NIM1K: variants seen among roughly 807,000 people sequenced by gnomAD.
NIM1K encodes the protein serine/threonine-protein kinase NIM1.
A neutral mutation model predicts 37.1 loss-of-function variants in NIM1K; 35 were observed. The ratio of observed to expected loss-of-function variants is 0.94; its 90% confidence interval spans 0.72 to 1.25. NIM1K has a LOEUF of 1.25. Ranked by LOEUF, NIM1K falls within the 50% of genes most tolerant of loss-of-function variation. The pLI is 0.00. For missense variants in NIM1K, 564 were observed against 548.0 expected (o/e 1.03, Z -0.29); for synonymous variants, 234 against 206.6 (o/e 1.13, Z -1.14).
At chr5:43,233,244 C>G in intron 1 of NIM1K, 1 of 687,620 alleles carries the variant, frequency 1.5e-6, no homozygotes, top group South Asian at 2.0e-5. Context: ...CAGTGCGACT[C>G]TTAGGTGATT....
intron 1 of NIM1K, among the ~76,000 whole-genome samples, chr5:43,223,800 T>C (rs62368884): frequency 0.13 from 20,065 of 152,128 alleles, 1,787 homozygotes; most frequent in South Asian, 0.28. Context: ...TCAAATTAGG[T>C]TGATATAAAT....
Position 43,280,382 on chromosome 5 carries a change from G to C in NIM1K, c.964G>C (p.Asp322His). Residue 322 changes from aspartate (D) to histidine (H), a missense_variant, in exon 4 of 4, where the codon GAT (aspartate) becomes CAT (histidine). Asp to His is a moderately conservative substitution (Grantham distance 81, BLOSUM62 -1). Coordinates refer to ENST00000326035, the MANE Select transcript of NIM1K (RefSeq NM_153361.4). ...GTACGGAATCGACTGCATCATGAAT[G>C]ATGAATGGATGCAAGGGGTGCCATA... is the stretch of plus-strand genomic sequence containing the variant. Reference protein sequence around the residue: ...ERYGIDCIMNDEWMQGVPYPT... With the variant: ...ERYGIDCIMNHEWMQGVPYPT... 1 of 1,614,154 alleles carries C rather than the reference G, an allele frequency of 6.2e-7. No individual in the cohort carries two copies. Among genetic ancestry groups the C allele is most frequent in the Non-Finnish European group, 8.5e-7 (1 of 1,180,018 alleles).
intron 1 of NIM1K, chr5:43,207,768 A>G (rs79477621): frequency 0.025 from 11,311 of 456,828 alleles, 327 homozygotes; most frequent in South Asian, 0.084. Context: ...TCATACTTGG[A>G]ATTGTGGGTA....
chr5:43,256,186 T>C (rs535576284), intron 2 of NIM1K, among the ~76,000 whole-genome samples: 5 of 152,088 alleles, frequency 3.3e-5, no homozygotes, highest in Non-Finnish European at 7.4e-5. Flanking sequence ...ACAGTATCAC[T>C]CTGGCAGCTT....
chr5:43,234,259 TTC>T, intron 1 of NIM1K, among the ~76,000 whole-genome samples: 2 of 152,162 alleles, frequency 1.3e-5, no homozygotes, highest in Non-Finnish European at 2.9e-5. Context: ...CATTCATTCA[TTC>T]ATTCATTCAT....
At chr5:43,231,224 G>A (rs1284957820) in intron 1 of NIM1K, among the ~76,000 whole-genome samples, 1 of 152,192 alleles carries the variant, frequency 6.6e-6, no homozygotes, top group African/African-American at 2.4e-5. Flanking sequence ...GACTGAGTTG[G>A]GTGGATTGCT....
At chr5:43,241,531 A>C (rs1752703212) in intron 1 of NIM1K, among the ~76,000 whole-genome samples, 2 of 151,546 alleles carry the variant, frequency 1.3e-5, no homozygotes, top group Admixed American at 1.3e-4. Context: ...AGTAGAGACG[A>C]GGTTTCACCA....
At position 43,264,141 on chromosome 5, in the gene NIM1K, G is replaced by C. The variant is rs149159813; in HGVS notation, c.293-12916G>C. ...TTCTGTAGACGTCTGTTAGGTCTGC[G>C]TGGTGCAGAGCTGAGTTCAAGTCCT... On this transcript the variant is annotated intron_variant, in intron 2 of 3. Transcript: ENST00000326035. Among the ~76,000 whole-genome samples the C allele has an allele frequency of 7.1e-3, 1,077 of 152,246 alleles. 17 individuals carry two copies. The highest frequency in any genetic ancestry group is 0.025 in the African/African-American group (1,028 of 41,548).
intron 1 of NIM1K, among the ~76,000 whole-genome samples, chr5:43,194,377 T>A (rs1207448095): frequency 6.6e-6 from 1 of 152,222 alleles, no homozygotes; most frequent in East Asian, 1.9e-4. Context: ...GCTGGACCAC[T>A]GTTAAATGGT....
chr5:43,194,301 T>A (rs1356890301), intron 1 of NIM1K, among the ~76,000 whole-genome samples: 1 of 152,152 alleles, frequency 6.6e-6, no homozygotes, highest in Non-Finnish European at 1.5e-5. Flanking sequence ...TGAATCCAAC[T>A]CCCCATGGAC....
intron 2 of NIM1K, among the ~76,000 whole-genome samples, chr5:43,247,297 C>G (rs1752790841): frequency 6.6e-6 from 1 of 152,158 alleles, no homozygotes; most frequent in Non-Finnish European, 1.5e-5. Flanking sequence ...CTTGTCTGAG[C>G]CTTAGATACT....
chr5:43,280,228 A>C lies in NIM1K; in HGVS notation c.810A>C (p.Pro270=). ...ACTTCATGGTGACTGGCACCATGCC[A>C]TTTCGGGCAGAAACCGTGGCCAAAC... ...LLYFMVTGTM[P]FRAETVAKLK... The change falls in exon 4 of 4, where the codon CCA becomes CCC. Residue 270 remains proline, a synonymous_variant. Transcript: ENST00000326035. The C allele has an allele frequency of 6.2e-7, 1 of 1,614,096 alleles. No individual in the cohort carries two copies. The highest frequency in any genetic ancestry group is 8.5e-7 in the Non-Finnish European group (1 of 1,180,016).
chr5:43,248,636 C>T (rs1175118480), intron 2 of NIM1K, among the ~76,000 whole-genome samples: 1 of 152,010 alleles, frequency 6.6e-6, no homozygotes. Flanking sequence ...GAGAGAGACA[C>T]TTACAAGGAA....
chr5:43,229,944 CTT>C (rs771892372), intron 1 of NIM1K, among the ~76,000 whole-genome samples: 1 of 147,242 alleles, frequency 6.8e-6, no homozygotes, highest in African/African-American at 2.5e-5. Context: ...ATTTTAGCCT[CTT>C]TTTTTTTTTC....
At chr5:43,260,165 T>C (rs1753006224) in intron 2 of NIM1K, among the ~76,000 whole-genome samples, 1 of 152,350 alleles carries the variant, frequency 6.6e-6, no homozygotes, top group African/African-American at 2.4e-5. Flanking sequence ...GATCATATCA[T>C]CAGCAAACAG....
chr5:43,218,276 GC>G (rs1161987866), intron 1 of NIM1K, among the ~76,000 whole-genome samples: 1 of 152,048 alleles, frequency 6.6e-6, no homozygotes, highest in East Asian at 1.9e-4. Context: ...CTCCCAAAGT[GC>G]TGGGATTACA....
intron 1 of NIM1K, among the ~76,000 whole-genome samples, chr5:43,240,950 A>T (rs1218452639): frequency 6.6e-6 from 1 of 151,988 alleles, no homozygotes; most frequent in Non-Finnish European, 1.5e-5. Flanking sequence ...AGAAATACAC[A>T]TCTTTGCACA....
chr5:43,222,005 T>A (rs1259210636), intron 1 of NIM1K, among the ~76,000 whole-genome samples: 1 of 152,186 alleles, frequency 6.6e-6, no homozygotes, highest in Non-Finnish European at 1.5e-5. Flanking sequence ...TTAGTGCAGA[T>A]CTTGGAGGAG....
chr5:43,268,113 T>C (rs1753196267), intron 2 of NIM1K, among the ~76,000 whole-genome samples: 1 of 152,218 alleles, frequency 6.6e-6, no homozygotes, highest in Non-Finnish European at 1.5e-5. Flanking sequence ...GTAATTGTTT[T>C]ATGAATTTTG....
Sources: gnomAD v4.1 joint callset for allele counts (sites outside exome capture counted in the v4.1 genomes callset) on GRCh38, gnomAD v4.1.1 for gene constraint, MANE v1.5 for transcripts, NCBI Gene and HGNC (gene_info 2026-07-23, HGNC 2026-07-21) for gene names.